Variants in PEX5 observed in about 807,000 individuals in gnomAD.
PEX5 encodes PTS1 receptor.
In PEX5, 52 loss-of-function variants were observed where a neutral mutation model predicts 82.9. The ratio of observed to expected loss-of-function variants is 0.63; its 90% CI spans 0.50 to 0.79. The LOEUF is 0.79. Ranked by LOEUF, PEX5 falls within the 30% of genes least tolerant of loss-of-function variation. PEX5 has a pLI of 0.00. For missense variants in PEX5, 719 were observed against 815.2 expected (o/e 0.88, Z 1.44); for synonymous variants, 300 against 318.8 (o/e 0.94, Z 0.63).
chr12:7,195,272 A>C (rs766762410), intron 5 of PEX5, among the ~76,000 whole-genome samples: 39 of 152,142 alleles, frequency 2.6e-4, no homozygotes, highest in Admixed American at 7.9e-4. Context: ...TCACTCTACT[A>C]ATCTGTATGA....
chr12:7,201,878 C>G, intron 7 of PEX5, 37 bp downstream of exon 7: 1 of 1,476,826 alleles, frequency 6.8e-7, no homozygotes, highest in Non-Finnish European at 9.5e-7. Flanking sequence ...CCCAGCAGAG[C>G]TGGTTTTGGA....
At position 7,210,664 on chromosome 12, in the gene PEX5, C is replaced by T. The variant is rs1279650048; in HGVS notation, c.*441C>T. Reference sequence around the variant, plus strand: ...AGTAGGAGGTTCATCTGCTGTGCGCCTCTAATGTCTGTCTGGATGGGATGT... The same window carrying T: ...AGTAGGAGGTTCATCTGCTGTGCGCTTCTAATGTCTGTCTGGATGGGATGT... On this transcript the variant is annotated 3_prime_UTR_variant, in exon 16 of 16. Coordinates refer to ENST00000675855, the MANE Select transcript of PEX5 (RefSeq NM_001351132.2). 6.7e-6 allele frequency: 2 copies of T among 296,854 alleles called. No homozygotes were observed. Among genetic ancestry groups the T allele is most frequent in the Non-Finnish European group, 1.3e-5 (2 of 152,436 alleles). 18.4% of individuals were successfully genotyped at this position (296,854 alleles called of 1,614,324 possible).
rs1945174737 is a variant in PEX5, at chr12:7,208,991, T to C, written c.1395-14T>C. The stretch of plus-strand genomic sequence containing the variant: ...TTCATCTACCTACTTTGTGTTTTTT[T>C]CCTTTTCATCCAGCTCCCTGTTTCT... On this transcript the variant is annotated splice_polypyrimidine_tract_variant and intron_variant, in intron 13 of 15. Transcript: ENST00000675855. 4 of 1,613,760 alleles carry C rather than the reference T, an allele frequency of 2.5e-6. No homozygotes were observed. Among genetic ancestry groups the C allele is most frequent in the Non-Finnish European group, 3.4e-6 (4 of 1,179,672 alleles).
At chr12:7,201,348 TATC>T (rs989536752) in intron 6 of PEX5, among the ~76,000 whole-genome samples, 7 of 151,472 alleles carry the variant, frequency 4.6e-5, no homozygotes, top group African/African-American at 1.7e-4. Context: ...TATATATACA[TATC>T]AGCTATATTT....
chr12:7,202,072 A>G, intron 7 of PEX5, 169 bp from the exon 8 acceptor site: 1 of 1,076,986 alleles, frequency 9.3e-7, no homozygotes, highest in Non-Finnish European at 1.4e-6. Flanking sequence ...CTTTAGAGCC[A>G]GAAATCCCTT....
Position 7,191,339 on chromosome 12 carries a change from C to A in PEX5, c.297C>A (p.Phe99Leu), listed in dbSNP as rs573650362. Residue 99 changes from phenylalanine (F) to leucine (L), a missense_variant, in exon 4 of 16, where the codon TTC (phenylalanine) becomes TTA (leucine). By Grantham distance (22) the Phe-to-Leu change is conservative. Transcript: ENST00000675855. ...TGCAGCAGATTGAGCAGTCAAACTT[C>A]CGCCAGGCTCCCCAGAGAGGTGAGT... ...AEMQQIEQSN[F>L]RQAPQRAPGV... 313 of 1,614,050 alleles carry A rather than the reference C, an allele frequency of 1.9e-4. 1 individual carries two copies. The highest frequency in any genetic ancestry group is 2.6e-4 in the Non-Finnish European group (309 of 1,180,036).
intron 15 of PEX5, 67 bp from the exon 16 acceptor site, chr12:7,209,955 G>T: frequency 6.3e-7 from 1 of 1,597,604 alleles, no homozygotes; most frequent in Non-Finnish European, 8.6e-7. Flanking sequence ...CCCTCCCACT[G>T]CTAGCTGACC....
intron 2 of PEX5, 136 bp from the exon 3 acceptor site, chr12:7,190,752 A>G (rs1940925505): frequency 3.1e-6 from 4 of 1,308,772 alleles, no homozygotes; most frequent in Admixed American, 1.7e-5. Context: ...TATAAACACT[A>G]GAAAACCCTG....
intron 15 of PEX5, 47 bp from the exon 16 acceptor site, chr12:7,209,963 ACCTGCTTCCTTC>A: frequency 1.2e-6 from 2 of 1,602,282 alleles, no homozygotes; most frequent in Non-Finnish European, 8.5e-7. Flanking sequence ...CTGCTAGCTG[ACCTGCTTCCTTC>A]CATTGTTGTT....
In PEX5 at chr12:7,211,174, G is replaced by A. The variant is rs1945525650; in HGVS notation, c.*951G>A. On this transcript the variant is annotated 3_prime_UTR_variant, in exon 16 of 16. Coordinates refer to ENST00000675855, the MANE Select transcript of PEX5 (RefSeq NM_001351132.2). ...ACCATAAGCCTTTGCTGTACTTCTT[G>A]AAATGTTTCTAGGGGAGAGCATTGG... 1 of 152,642 alleles carries A rather than the reference G, an allele frequency of 6.6e-6. No homozygotes were observed. The highest frequency in any genetic ancestry group is 2.4e-5 in the African/African-American group (1 of 41,440). 9.5% of individuals were successfully genotyped at this position (152,642 alleles called of 1,614,324 possible).
At chr12:7,189,895 C>A (rs1376756770) in intron 1 of PEX5, 145 bp downstream of exon 1, 6 of 1,412,558 alleles carry the variant, frequency 4.2e-6, no homozygotes, top group Non-Finnish European at 5.5e-6. Flanking sequence ...GGGACCGGGC[C>A]GAGCCGGGGG....
Position 7,208,091 on chromosome 12 carries a change from T to A in PEX5, c.1181+11T>A. ...CAGTGCATTGCGGAGGTGAGTACACTGAAAGGTGTGGGTGAGGTGCTTCCA... is the reference window on the plus strand; with the variant it reads ...CAGTGCATTGCGGAGGTGAGTACACAGAAAGGTGTGGGTGAGGTGCTTCCA... On this transcript the variant is annotated intron_variant, in intron 12 of 15. Transcript: ENST00000675855. 2 of 1,599,196 alleles carry A rather than the reference T, an allele frequency of 1.3e-6. No homozygotes were observed. Among genetic ancestry groups the A allele is most frequent in the Non-Finnish European group, 1.7e-6 (2 of 1,166,382 alleles).
Position 7,208,635 on chromosome 12 carries a change from C to T in PEX5, c.1360C>T (p.Pro454Ser). The T allele has an allele frequency of 6.2e-7, 1 of 1,613,932 alleles. No homozygotes were observed. The highest frequency in any genetic ancestry group is 8.5e-7 in the Non-Finnish European group (1 of 1,179,948). Residue 454 changes from proline to serine, a missense_variant, in exon 13 of 16, where the codon CCC becomes TCC. Pro to Ser is a moderately conservative substitution (Grantham distance 74). Coordinates refer to ENST00000675855, the MANE Select transcript of PEX5 (RefSeq NM_001351132.2). ...AGGGGCTGGTGGGGCAGGACTGGGC[C>T]CCAGCAAGCGTATCCTGGGATCTCT... ...EEGAGGAGLG[P>S]SKRILGSLLS...
At chr12:7,191,836 C>A (rs1474840409) in intron 5 of PEX5, 136 bp downstream of exon 5, 5 of 805,998 alleles carry the variant, frequency 6.2e-6, no homozygotes, top group African/African-American at 3.4e-5. Context: ...GTACTGAACT[C>A]AATTTCCCTT....
At chr12:7,208,913 G>C (rs1945162912) in intron 13 of PEX5, 92 bp from the exon 14 acceptor site, 1 of 1,145,868 alleles carries the variant, frequency 8.7e-7, no homozygotes, top group Non-Finnish European at 1.3e-6. Context: ...ATGAATGTTG[G>C]GGATATGGTT....
downstream of PEX5, among the ~76,000 whole-genome samples, chr12:7,213,336 A>G (rs781719329): frequency 6.6e-6 from 1 of 152,120 alleles, no homozygotes; most frequent in African/African-American, 2.4e-5. Context: ...ACTATACTAC[A>G]AGGCTACAGT....
Position 7,207,548 on chromosome 12 carries a change from G to A in PEX5, c.967-111G>A, listed in dbSNP as rs894412865. On this transcript the variant is annotated intron_variant, in intron 10 of 15. Transcript: ENST00000675855. Reference sequence around the variant, plus strand: ...GGAGAATTTGCCAGCAATTAATTCCGGAACCTGTTTGGAGGCCCTCAGCTT... The same window carrying A: ...GGAGAATTTGCCAGCAATTAATTCCAGAACCTGTTTGGAGGCCCTCAGCTT... The A allele has an allele frequency of 1.9e-5, 20 of 1,026,066 alleles. No individual in the cohort carries two copies. In the African/African-American group the frequency reaches 2.4e-4, roughly 12 times the overall value. The allele number at this position is 1,026,066 out of a possible 1,614,324, so 63.6% of individuals were successfully genotyped here. A position where few individuals can be genotyped will look rare whatever the true frequency, so the allele number is the denominator to read the frequency against.
At chr12:7,207,637 C>T (rs1426345760) in intron 10 of PEX5, 22 bp from the exon 11 acceptor site, 1 of 1,613,510 alleles carries the variant, frequency 6.2e-7, no homozygotes. Context: ...CTCAGTCCAT[C>T]TCTCACGTGC....
intron 5 of PEX5, among the ~76,000 whole-genome samples, chr12:7,198,714 T>G (rs1396787084): frequency 6.6e-6 from 1 of 152,194 alleles, no homozygotes; most frequent in Non-Finnish European, 1.5e-5. Flanking sequence ...TGAAATATCT[T>G]GCACTTCAAG....
Sources: gnomAD v4.1 joint callset for allele counts (sites outside exome capture counted in the v4.1 genomes callset) on GRCh38, gnomAD v4.1.1 for gene constraint, MANE v1.5 for transcripts, NCBI Gene and HGNC (gene_info 2026-07-23, HGNC 2026-07-21) for gene names.